FANCC: variants seen among roughly 807,000 people sequenced by gnomAD.
FANCC encodes FA complementation group C, also known as Fanconi anemia group C protein.
FANCC carries 55 observed loss-of-function variants against 71.3 expected under a neutral mutation model. The observed-to-expected ratio is 0.77, with a 90% CI of 0.62 to 0.97. FANCC has a LOEUF of 0.97. Among genes scored for constraint, FANCC ranks in the 50% least tolerant of loss-of-function variants. The pLI, the probability that FANCC is intolerant of heterozygous loss-of-function variation, is 0.00. For missense variants in FANCC, 678 were observed against 670.9 expected, an observed-to-expected ratio of 1.01 and a Z score of -0.12; for synonymous variants, 275 against 244.9, an observed-to-expected ratio of 1.12 and a Z score of -1.15.
intron 1 of FANCC, among the ~76,000 whole-genome samples, chr9:95,270,591 A>G (rs956261469): frequency 1.3e-5 from 2 of 152,264 alleles, no homozygotes; most frequent in Non-Finnish European, 2.9e-5. Context: ...CAAGGCAAGG[A>G]GCAGGCAGCA....
Position 95,140,698 on chromosome 9 carries a change from A to G in FANCC, c.687-5196T>C, listed in dbSNP as rs974710464. Among the ~76,000 whole-genome samples, 3 of 152,158 alleles carry G rather than the reference A, an allele frequency of 2.0e-5. No individual in the cohort carries two copies. The East Asian group carries it at 5.8e-4, about 29-fold the overall frequency. On this transcript the variant is annotated intron_variant, in intron 7 of 14. Transcript: ENST00000289081. ...TGTTTGGGTTGCCAGACAAACTCAC[A>G]AAACTTGGATTTAACTGTTATGGAG...
At chr9:95,241,993 A>G (rs1830660794) in intron 3 of FANCC, among the ~76,000 whole-genome samples, 1 of 152,202 alleles carries the variant, frequency 6.6e-6, no homozygotes, top group Non-Finnish European at 1.5e-5. Flanking sequence ...TCATTAACAA[A>G]GAAATAAGAA....
In FANCC at chr9:95,249,259, A is replaced by C; in HGVS notation, c.33T>G (p.Asp11Glu). MAQDSVDLSC[D>E]YQFWMQKLSV... ...AAAGCTTCTGCATCCAAAACTGATA[A>C]TCACAAGAAAGATCTACTGAATCTT... Residue 11 changes from aspartate (D) to glutamate (E), a missense_variant, in exon 2 of 15, where the codon GAT (aspartate) becomes GAG (glutamate). By Grantham distance (45) the Asp-to-Glu change is conservative. Transcript: ENST00000289081. 1 of 1,614,152 alleles carries C rather than the reference A, an allele frequency of 6.2e-7. No individual in the cohort carries two copies. Among genetic ancestry groups the C allele is most frequent in the Non-Finnish European group, 8.5e-7 (1 of 1,180,012 alleles).
In FANCC at chr9:95,115,043, C is replaced by T. The variant is rs148027750; in HGVS notation, c.1073-333G>A. Among the ~76,000 whole-genome samples the T allele has an allele frequency of 1.7e-4, 26 of 152,232 alleles. 1 individual carries two copies. The highest frequency in any genetic ancestry group is 5.3e-4 in the African/African-American group (22 of 41,516). On this transcript the variant is annotated intron_variant, in intron 11 of 14. Coordinates refer to ENST00000289081, the MANE Select transcript of FANCC (RefSeq NM_000136.3). Reference sequence around the variant, plus strand: ...GCAGCCCCAACCTCCTGGGCTCAAGCGATCTTCCTACCTCAGCCTCCCCAG... The same window carrying T: ...GCAGCCCCAACCTCCTGGGCTCAAGTGATCTTCCTACCTCAGCCTCCCCAG...
chr9:95,258,428 A>G (rs1831803377), intron 1 of FANCC, among the ~76,000 whole-genome samples: 1 of 152,226 alleles, frequency 6.6e-6, no homozygotes, highest in African/African-American at 2.4e-5. Context: ...AACAGAACCA[A>G]TGACAAAAAC....
intron 1 of FANCC, among the ~76,000 whole-genome samples, chr9:95,260,464 T>C (rs2085656679): frequency 6.6e-6 from 1 of 152,106 alleles, no homozygotes; most frequent in Non-Finnish European, 1.5e-5. Context: ...CCACATGTTC[T>C]CACTCATAAG....
chr9:95,252,351 A>G (rs948297604), intron 1 of FANCC, among the ~76,000 whole-genome samples: 1 of 151,824 alleles, frequency 6.6e-6, no homozygotes, highest in African/African-American at 2.4e-5. Context: ...AATTTCTTAT[A>G]TATTTCATAT....
intron 10 of FANCC, among the ~76,000 whole-genome samples, chr9:95,122,484 ACTTTC>A (rs1239581692): frequency 2.0e-5 from 3 of 152,096 alleles, no homozygotes; most frequent in South Asian, 2.1e-4. Context: ...AAGCAAAGAG[ACTTTC>A]CTTTCCTTTG....
At chr9:95,111,291 T>C (rs2071904164) in intron 13 of FANCC, 172 bp downstream of exon 13, 1 of 1,575,106 alleles carries the variant, frequency 6.3e-7, no homozygotes, top group African/African-American at 1.3e-5. Flanking sequence ...GGAGAACGCC[T>C]CTGACCACAA....
At chr9:95,186,981 G>A (rs1207564218) in intron 4 of FANCC, among the ~76,000 whole-genome samples, 2 of 152,044 alleles carry the variant, frequency 1.3e-5, no homozygotes, top group Admixed American at 6.5e-5. Flanking sequence ...CAGTAGAAAC[G>A]GAGTTTCACC....
At chr9:95,267,672 T>C (rs416792) in intron 1 of FANCC, among the ~76,000 whole-genome samples, 29,158 of 152,066 alleles carry the variant, frequency 0.19, 2,934 homozygotes, top group East Asian at 0.3. Context: ...CCTAACAAAG[T>C]ATACTTAAGA....
intron 3 of FANCC, among the ~76,000 whole-genome samples, chr9:95,244,678 C>CAAAAAAAAAAA (rs576605250): frequency 7.2e-5 from 3 of 41,554 alleles, no homozygotes; most frequent in African/African-American, 1.0e-4. Context: ...GACTTTGTCT[C>CAAAAAAAAAAA]AAAAAAAAAA....
chr9:95,254,983 C>A (rs1831572261), intron 1 of FANCC, among the ~76,000 whole-genome samples: 1 of 152,142 alleles, frequency 6.6e-6, no homozygotes, highest in Non-Finnish European at 1.5e-5. Flanking sequence ...AGCAAAGCCG[C>A]TGTAGCCAGA....
chr9:95,193,016 C>A (rs970488959), intron 4 of FANCC, among the ~76,000 whole-genome samples: 2 of 152,170 alleles, frequency 1.3e-5, no homozygotes, highest in African/African-American at 4.8e-5. Context: ...TTATTGAGCA[C>A]CTCCTATGTA....
At chr9:95,297,508 G>A (rs1255299631) in intron 1 of FANCC, among the ~76,000 whole-genome samples, 1 of 152,134 alleles carries the variant, frequency 6.6e-6, no homozygotes, top group African/African-American at 2.4e-5. Context: ...GCATGTCTGG[G>A]CAACTGCTTC....
At chr9:95,143,947 C>T (rs1829140868) in intron 7 of FANCC, among the ~76,000 whole-genome samples, 1 of 152,214 alleles carries the variant, frequency 6.6e-6, no homozygotes, top group Admixed American at 6.5e-5. Context: ...AAAAGACAGG[C>T]AGACCACTGC....
intron 10 of FANCC, chr9:95,123,880 C>A: frequency 1.9e-6 from 1 of 538,634 alleles, no homozygotes; most frequent in East Asian, 4.0e-5. Context: ...GAGTTGAGTC[C>A]TTAAAGTCTG....
intron 11 of FANCC, among the ~76,000 whole-genome samples, chr9:95,116,264 G>C (rs1409752497): frequency 1.3e-5 from 2 of 152,186 alleles, no homozygotes; most frequent in African/African-American, 4.8e-5. Flanking sequence ...GGTGAACCCT[G>C]GGAGAGTGAA....
chr9:95,155,052 C>G (rs1830377648), intron 6 of FANCC, among the ~76,000 whole-genome samples: 1 of 149,730 alleles, frequency 6.7e-6, no homozygotes, highest in South Asian at 2.1e-4. Flanking sequence ...CAAAAAAATA[C>G]AAAAATTAGC....
Sources: allele counts gnomAD v4.1 joint callset (sites outside exome capture counted in the v4.1 genomes callset), GRCh38; gene constraint gnomAD v4.1.1; transcripts MANE v1.5; gene names NCBI Gene and HGNC (gene_info 2026-07-23, HGNC 2026-07-21).